PODNL1: variants seen among roughly 807,000 people sequenced by gnomAD.
PODNL1 encodes podocan like 1.
In PODNL1, 50 loss-of-function variants were observed where a neutral mutation model predicts 45.1. The ratio of observed to expected loss-of-function variants is 1.11; its 90% CI spans 0.88 to 1.40. PODNL1 has a LOEUF of 1.40. Ranked by LOEUF, PODNL1 falls within the 40% of genes most tolerant of loss-of-function variation. PODNL1 has a pLI of 0.00. For missense variants in PODNL1, 788 were observed against 793.3 expected (o/e 0.99, Z 0.08); for synonymous variants, 406 against 372.5 (o/e 1.09, Z -1.04).
chr19:13,948,346 G>A (rs1384694711), intron 1 of PODNL1, among the ~76,000 whole-genome samples: 6 of 148,552 alleles, frequency 4.0e-5, no homozygotes, highest in South Asian at 4.2e-4. Context: ...GACTACAGGC[G>A]CCCGCCACCA....
At chr19:13,952,422 CG>C (rs1973088063) in intron 1 of PODNL1, 1 of 1,235,420 alleles carries the variant, frequency 8.1e-7, no homozygotes, top group African/African-American at 1.6e-5. Context: ...GCCCAACCGG[CG>C]GGCCGCTGTC....
chr19:13,938,628 G>T (rs1477769424), upstream of PODNL1, among the ~76,000 whole-genome samples: 1 of 152,150 alleles, frequency 6.6e-6, no homozygotes, highest in Non-Finnish European at 1.5e-5. Flanking sequence ...GCGGGCAGCA[G>T]CGAGGGATTA....
intron 1 of PODNL1, among the ~76,000 whole-genome samples, chr19:13,952,163 G>A (rs1488248292): frequency 2.6e-5 from 4 of 152,254 alleles, no homozygotes; most frequent in African/African-American, 4.8e-5. Flanking sequence ...CCCGCCCAAG[G>A]GCCTGGACCG....
In PODNL1 at chr19:13,944,763, GT is replaced by G. The variant is rs149643438; in HGVS notation, c.19-6758del. On this transcript the variant is annotated intron_variant, in intron 1 of 7. Coordinates refer to the PODNL1 transcript ENST00000538371. ...AGCCACTACTCCTGGCCTGTTTGGG[GT>G]TTTTTTTTTGTTTGTTTTGGGGTTT... Among the ~76,000 whole-genome samples the G allele has an allele frequency of 4.1e-3, 608 of 146,894 alleles. 6 individuals are homozygous for G. The highest frequency in any genetic ancestry group is 0.014 in the African/African-American group (567 of 40,330).
At position 13,932,619 on chromosome 19, in the gene PODNL1, G is replaced by A. The variant is rs1407013238; in HGVS notation, c.1425+179C>T. On this transcript the variant is annotated intron_variant, in intron 8 of 9. Coordinates refer to ENST00000588872, the MANE Select transcript of PODNL1 (RefSeq NM_001370095.3). Reference sequence around the variant, plus strand: ...GATTCTCCTGCCTTGGCTCCCCAAAGTGCTGGGATTACAGGCATGAGCCAC... The same window carrying A: ...GATTCTCCTGCCTTGGCTCCCCAAAATGCTGGGATTACAGGCATGAGCCAC... 4 of 1,491,892 alleles carry A rather than the reference G, an allele frequency of 2.7e-6. No individual in the cohort carries two copies. In the African/African-American group the frequency reaches 4.2e-5, roughly 16 times the overall value. The allele number at this position is 1,491,892 out of a possible 1,614,324, so 92.4% of individuals were successfully genotyped here. A position where few individuals can be genotyped will look rare whatever the true frequency, so the allele number is the denominator to read the frequency against.
upstream of PODNL1, among the ~76,000 whole-genome samples, chr19:13,941,975 C>T (rs948644677): frequency 2.0e-5 from 3 of 152,110 alleles, no homozygotes; most frequent in African/African-American, 7.2e-5. Flanking sequence ...AAGTACTCCC[C>T]ATGGGATGGA....
At position 13,931,790 on chromosome 19, in the gene PODNL1, G is replaced by A; in HGVS notation, c.1672C>T (p.Leu558=). 1.6e-6 allele frequency: 2 copies of A among 1,231,856 alleles called. No individual in the cohort carries two copies. The highest frequency in any genetic ancestry group is 2.0e-6 in the Non-Finnish European group (2 of 987,912). The allele number at this position is 1,231,856 out of a possible 1,614,324, so 76.3% of individuals were successfully genotyped here. The change falls in exon 10 of 10, where the codon CTG becomes TTG. Residue 558 remains leucine (L), a synonymous_variant. Transcript: ENST00000588872. ...GGGGTGGTGGGAGGCAGCCGGATCA[G>A]GACCTGCTCCGGATTCCCTGCCGTG... ...VDTAGNPEQV[L]IRLPPTTPRG...
Position 13,938,389 on chromosome 19 carries a change from C to T in PODNL1, c.-208G>A. ...GCCCTGGGGAGGACGGGCAGGCGGC[C>T]GGATGGGGTGGTGAGGACAGGCCAG... is the stretch of plus-strand genomic sequence containing the variant. On this transcript the variant is annotated 5_prime_UTR_variant, in exon 1 of 10. Transcript: ENST00000588872. 7 of 1,393,034 alleles carry T rather than the reference C, an allele frequency of 5.0e-6. No individual in the cohort carries two copies. Among genetic ancestry groups the T allele is most frequent in the East Asian group, 5.2e-5 (2 of 38,372 alleles). 86.3% of individuals were successfully genotyped at this position (1,393,034 alleles called of 1,614,324 possible).
At chr19:13,941,543 G>T (rs1263631390), upstream of PODNL1, among the ~76,000 whole-genome samples, 2 of 152,074 alleles carry the variant, frequency 1.3e-5, no homozygotes, top group Non-Finnish European at 2.9e-5. Context: ...GGGCGCAGTG[G>T]CCCACGCCTG....
rs1972089514 is a variant in PODNL1, at chr19:13,933,236, C to CAGCG, written c.983_986dup (p.Arg330AlafsTer42). On this transcript the variant is annotated frameshift_variant, in exon 8 of 10. Coordinates refer to ENST00000588872, the MANE Select transcript of PODNL1 (RefSeq NM_001370095.3). LOFTEE classifies it high-confidence loss of function. This position sits in a 1 kb window ranked among gnomAD's most constrained non-coding sequence, Gnocchi z 5.2. Reference sequence around the variant, plus strand: ...AGAGGTGCAGCGTGTGCAGGCCCCGCAGCGGCCGCAGAGCCCCGGCGGGCA... The same window carrying CAGCG: ...AGAGGTGCAGCGTGTGCAGGCCCCGCAGCGAGCGGCCGCAGAGCCCCGGCGGGCA... 1.9e-6 allele frequency: 3 copies of CAGCG among 1,542,524 alleles called. No homozygotes were observed. The East Asian group carries it at 7.3e-5, about 37-fold the overall frequency.
chr19:13,943,921 A>G (rs1370684145), intron 1 of PODNL1, among the ~76,000 whole-genome samples: 1 of 152,080 alleles, frequency 6.6e-6, no homozygotes, highest in Non-Finnish European at 1.5e-5. Flanking sequence ...CAGGACATCT[A>G]CCTATCTATT....
exon 1 of PODNL1, chr19:13,953,339 C>T (rs1973176946): frequency 5.5e-6 from 3 of 541,932 alleles, no homozygotes; most frequent in Admixed American, 3.6e-5. Context: ...GGCTGTGTCT[C>T]TGTGGACAGG....
upstream of PODNL1, among the ~76,000 whole-genome samples, chr19:13,943,157 A>T (rs555675597): frequency 1.3e-5 from 2 of 151,878 alleles, no homozygotes; most frequent in African/African-American, 4.8e-5. Context: ...TTAGCCAGGC[A>T]TGGTGGCACA....
intron 1 of PODNL1, chr19:13,952,923 G>T (rs1287508105): frequency 2.7e-5 from 23 of 848,920 alleles, no homozygotes; most frequent in Non-Finnish European, 4.0e-5. Context: ...GGAGGGAGGC[G>T]ACCCCAGAGG....
At chr19:13,952,372 AT>A in intron 1 of PODNL1, 2 of 1,129,936 alleles carry the variant, frequency 1.8e-6, no homozygotes, top group African/African-American at 1.6e-5. Flanking sequence ...AAGAGTCGAG[AT>A]GGCTTTGATG....
chr19:13,946,669 G>A (rs1181852721), intron 1 of PODNL1, among the ~76,000 whole-genome samples: 2 of 152,126 alleles, frequency 1.3e-5, no homozygotes, highest in African/African-American at 4.8e-5. Context: ...GCTAGAAAGA[G>A]TGGTCTAAAT....
rs763340972 is a variant in PODNL1, at chr19:13,938,053, C to T, written c.4-47G>A. 17 of 1,453,144 alleles carry T rather than the reference C, an allele frequency of 1.2e-5. 1 individual carries two copies. In the South Asian group the frequency reaches 1.2e-4, roughly 10 times the overall value. 90.0% of individuals were successfully genotyped at this position (1,453,144 alleles called of 1,614,324 possible). A position where few individuals can be genotyped will look rare whatever the true frequency, so the allele number is the denominator to read the frequency against. The stretch of plus-strand genomic sequence containing the variant: ...CGTGTCTCCAGGCTGGGCGCAGGGT[C>T]GCCATGGTGACTGGAGCATCCCCTC... On this transcript the variant is annotated intron_variant, in intron 1 of 9. Coordinates refer to ENST00000588872, the MANE Select transcript of PODNL1 (RefSeq NM_001370095.3).
chr19:13,933,767 G>A lies in PODNL1; in HGVS notation c.767+111C>T. Reference sequence around the variant, plus strand: ...CTCTGCCGAGCCCAGTGAGCAGCAGGCACTCAGTAAATGAGGCCGTGGCTT... The same window carrying A: ...CTCTGCCGAGCCCAGTGAGCAGCAGACACTCAGTAAATGAGGCCGTGGCTT... On this transcript the variant is annotated intron_variant, in intron 7 of 9. Coordinates refer to ENST00000588872, the MANE Select transcript of PODNL1 (RefSeq NM_001370095.3). This position sits in a 1 kb window ranked among gnomAD's most constrained non-coding sequence, Gnocchi z 5.2. 1.1e-6 allele frequency: 1 copy of A among 923,148 alleles called. No homozygotes were observed. The allele number at this position is 923,148 out of a possible 1,614,324, so 57.2% of individuals were successfully genotyped here.
upstream of PODNL1, among the ~76,000 whole-genome samples, chr19:13,940,337 C>A (rs1425437890): frequency 6.6e-6 from 1 of 150,622 alleles, no homozygotes; most frequent in Admixed American, 6.6e-5. Flanking sequence ...TTTGGGAGGC[C>A]GAGGCAGGTG....
Sources: allele counts gnomAD v4.1 joint callset (sites outside exome capture counted in the v4.1 genomes callset), GRCh38; gene constraint gnomAD v4.1.1; non-coding constraint Gnocchi (gnomAD v3.1); transcripts MANE v1.5; gene names NCBI Gene and HGNC (gene_info 2026-07-23, HGNC 2026-07-21).